The following GRM8 variants were observed in gnomAD, a reference collection of about 807,000 sequenced individuals.
The protein encoded by GRM8 is metabotropic glutamate receptor 8.
In GRM8, 47 loss-of-function variants were observed where a neutral mutation model predicts 87.2. That is an observed-to-expected ratio of 0.54 (90% confidence interval 0.43 to 0.69). GRM8 has a LOEUF of 0.69. GRM8 is among the 30% of genes least tolerant of loss of function. The pLI, the probability that GRM8 is intolerant of heterozygous loss-of-function variation, is 0.00. For missense variants in GRM8, 1,019 were observed against 1,139.2 expected (o/e 0.89, Z 1.52); for synonymous variants, 396 against 404.5 (o/e 0.98, Z 0.25).
intron 8 of GRM8, among the ~76,000 whole-genome samples, chr7:126,590,529 G>T (rs1796579235): frequency 6.6e-6 from 1 of 151,956 alleles, no homozygotes; most frequent in African/African-American, 2.4e-5. Context: ...AAGAACACCT[G>T]GGAAATTCAT....
At chr7:127,111,107 G>C (rs977896969) in intron 2 of GRM8, 1 of 152,230 alleles carries the variant, frequency 6.6e-6, no homozygotes, top group Non-Finnish European at 1.5e-5. Context: ...TGGTGCAAGA[G>C]TAGGAGGCAC....
intron 6 of GRM8, among the ~76,000 whole-genome samples, chr7:126,832,310 C>A (rs139991555): frequency 6.6e-6 from 1 of 152,042 alleles, no homozygotes; most frequent in East Asian, 1.9e-4. Flanking sequence ...TTTATGATAT[C>A]AATTTTATAA....
intron 8 of GRM8, among the ~76,000 whole-genome samples, chr7:126,582,760 T>G (rs1212412886): frequency 6.6e-6 from 1 of 152,160 alleles, no homozygotes; most frequent in Non-Finnish European, 1.5e-5. Flanking sequence ...AGTTGGCCTG[T>G]GTTGCATAAA....
At chr7:127,133,706 CAAAAAAAAAA>C (rs137900224) in intron 2 of GRM8, among the ~76,000 whole-genome samples, 7 of 98,780 alleles carry the variant, frequency 7.1e-5, no homozygotes, top group African/African-American at 2.3e-4. Context: ...ACTCCCTCTC[CAAAAAAAAAA>C]AAAAAAAAAA....
At chr7:126,528,368 A>C (rs1258657162) in intron 9 of GRM8, among the ~76,000 whole-genome samples, 1 of 152,198 alleles carries the variant, frequency 6.6e-6, no homozygotes, top group African/African-American at 2.4e-5. Flanking sequence ...CAGTCATTAA[A>C]CAAATATTTT....
chr7:127,126,384 G>C (rs957189815), intron 2 of GRM8, among the ~76,000 whole-genome samples: 1 of 151,880 alleles, frequency 6.6e-6, no homozygotes, highest in Non-Finnish European at 1.5e-5. Context: ...GAAACAGAAA[G>C]TCAAGTATCC....
intron 8 of GRM8, among the ~76,000 whole-genome samples, chr7:126,581,379 T>C (rs1251155617): frequency 2.0e-5 from 3 of 152,104 alleles, no homozygotes; most frequent in Non-Finnish European, 4.4e-5. Flanking sequence ...AGTAATTGCT[T>C]ATCCAGCTGG....
chr7:126,603,120 G>A (rs1429191576), intron 8 of GRM8, among the ~76,000 whole-genome samples: 2 of 145,546 alleles, frequency 1.4e-5, no homozygotes, highest in South Asian at 2.3e-4. Flanking sequence ...TATAAACAGA[G>A]CCAAAGACAA....
chr7:127,006,083 C>T (rs140299420), intron 3 of GRM8, among the ~76,000 whole-genome samples: 20 of 151,916 alleles, frequency 1.3e-4, no homozygotes, highest in African/African-American at 4.8e-4. Context: ...TTCTGTTTAA[C>T]TGAAAAACTA....
In GRM8 at chr7:126,533,419, G is replaced by T. The variant is rs1485670684; in HGVS notation, c.1963C>A (p.Leu655Ile). ...TIICSFRRVF[L>I]GLGMCFSYAA... The stretch of plus-strand genomic sequence containing the variant: ...TAGCTGAAACACATGCCAAGTCCTA[G>T]GAAGACCCGTCGGAAGGAGCATATG... The change falls in exon 9 of 11, where the codon CTA becomes ATA. Residue 655 changes from leucine to isoleucine, a missense_variant. Transcript: ENST00000339582. The T allele has an allele frequency of 9.9e-6, 16 of 1,613,896 alleles. No individual in the cohort carries two copies. The South Asian group carries it at 1.6e-4, about 17-fold the overall frequency.
intron 2 of GRM8, among the ~76,000 whole-genome samples, chr7:127,116,868 A>T (rs1184495352): frequency 1.3e-5 from 2 of 152,200 alleles, no homozygotes; most frequent in African/African-American, 4.8e-5. Context: ...AATGTTTTCA[A>T]ATACTATATG....
intron 2 of GRM8, among the ~76,000 whole-genome samples, chr7:127,183,594 A>C (rs1794588894): frequency 6.6e-6 from 1 of 151,842 alleles, no homozygotes; most frequent in Non-Finnish European, 1.5e-5. Context: ...AGAAAGACAT[A>C]AAATCAATAG....
intron 6 of GRM8, among the ~76,000 whole-genome samples, chr7:126,782,178 G>A (rs1483725850): frequency 6.6e-6 from 1 of 152,112 alleles, no homozygotes; most frequent in African/African-American, 2.4e-5. Flanking sequence ...CAGTTGAGAG[G>A]TGGGTTTGTA....
chr7:126,890,160 C>T (rs564190192), intron 6 of GRM8, among the ~76,000 whole-genome samples: 84 of 152,168 alleles, frequency 5.5e-4, no homozygotes, highest in African/African-American at 1.9e-3. Flanking sequence ...CTAATGGCTG[C>T]TCTATTAAAC....
chr7:126,657,106 G>A (rs925789105), intron 7 of GRM8, among the ~76,000 whole-genome samples: 1 of 152,134 alleles, frequency 6.6e-6, no homozygotes, highest in East Asian at 1.9e-4. Flanking sequence ...TTTTTTAGGT[G>A]AGGAAAATAA....
chr7:126,592,468 G>A (rs1796767521), intron 8 of GRM8, among the ~76,000 whole-genome samples: 1 of 151,886 alleles, frequency 6.6e-6, no homozygotes, highest in South Asian at 2.1e-4. Flanking sequence ...ATACAAGGAT[G>A]GTTCAACATA....
chr7:126,916,232 A>G (rs1803888085), intron 3 of GRM8, among the ~76,000 whole-genome samples: 1 of 152,202 alleles, frequency 6.6e-6, no homozygotes, highest in East Asian at 1.9e-4. Flanking sequence ...AATTAAGCCC[A>G]TTACAGAATT....
At chr7:126,698,628 C>T (rs1176600066) in intron 7 of GRM8, among the ~76,000 whole-genome samples, 2 of 151,930 alleles carry the variant, frequency 1.3e-5, no homozygotes, top group Admixed American at 6.6e-5. Context: ...CAATCTAGAC[C>T]GTGAAACCTT....
chr7:127,020,873 T>A (rs1018603507), intron 3 of GRM8, among the ~76,000 whole-genome samples: 2 of 151,978 alleles, frequency 1.3e-5, no homozygotes, highest in African/African-American at 4.8e-5. Context: ...CCATTCAGAA[T>A]AGATAGAGAT....
Sources: allele counts gnomAD v4.1 joint callset (sites outside exome capture counted in the v4.1 genomes callset), GRCh38; gene constraint gnomAD v4.1.1; transcripts MANE v1.5; gene names NCBI Gene and HGNC (gene_info 2026-07-23, HGNC 2026-07-21).